Variants in PCDHGA2 observed in about 807,000 individuals in gnomAD.
PCDHGA2 encodes the protein protocadherin gamma-A2.
PCDHGA2 carries 40 observed loss-of-function variants against 59.2 expected under a neutral mutation model. The observed-to-expected ratio is 0.68, with a 90% CI of 0.52 to 0.88. The LOEUF is 0.88. Ranked by LOEUF, PCDHGA2 falls within the 40% of genes least tolerant of loss-of-function variation. The pLI is 0.00. For missense variants in PCDHGA2, 1,226 were observed against 1,204.0 expected (o/e 1.02, Z -0.27); for synonymous variants, 560 against 526.0 (o/e 1.06, Z -0.89).
intron 2 of PCDHGA2, among the ~76,000 whole-genome samples, chr5:141,503,010 A>T (rs1595838084): frequency 6.8e-6 from 1 of 146,772 alleles, no homozygotes; most frequent in East Asian, 2.0e-4. Context: ...TGCCCGGTTA[A>T]TTTTTTTTTT....
intron 1 of PCDHGA2, 193 bp downstream of exon 1, chr5:141,341,588 C>G (rs1190198765): frequency 2.6e-6 from 3 of 1,142,230 alleles, no homozygotes; most frequent in Admixed American, 5.7e-5. Flanking sequence ...ACGTGAGAAT[C>G]TTTGTGCAAT....
intron 1 of PCDHGA2, chr5:141,411,661 C>T (rs2095505180): frequency 6.6e-6 from 1 of 150,762 alleles, no homozygotes; most frequent in African/African-American, 2.4e-5. Context: ...GGTGGAGAAT[C>T]TCTTGAGCGC....
intron 1 of PCDHGA2, among the ~76,000 whole-genome samples, chr5:141,484,627 A>G (rs866882607): frequency 5.3e-5 from 8 of 152,162 alleles, no homozygotes; most frequent in Middle Eastern, 3.4e-3. Flanking sequence ...TGGCTTGAAC[A>G]AAGTGACCAC....
In PCDHGA2 at chr5:141,345,728, C is replaced by T. The variant is rs755670314; in HGVS notation, c.2424+4333C>T. 146 of 1,614,098 alleles carry T rather than the reference C, an allele frequency of 9.0e-5. 1 individual carries two copies. In the South Asian group the frequency reaches 1.1e-3, roughly 12 times the overall value. ...ACAACGCGCCCGAGATCCTGTACCCCGCCCTCCCCACAGACGGTTCCACTG... is the reference window on the plus strand; with the variant it reads ...ACAACGCGCCCGAGATCCTGTACCCTGCCCTCCCCACAGACGGTTCCACTG... On this transcript the variant is annotated intron_variant, in intron 1 of 3. Coordinates refer to ENST00000394576, the MANE Select transcript of PCDHGA2 (RefSeq NM_018915.4).
intron 1 of PCDHGA2, among the ~76,000 whole-genome samples, chr5:141,348,444 A>G (rs1758120382): frequency 6.6e-6 from 1 of 152,166 alleles, no homozygotes; most frequent in Admixed American, 6.5e-5. Context: ...CATTTTTAGA[A>G]AAAAAAATGT....
At chr5:141,405,334 T>C in intron 1 of PCDHGA2, 1 of 1,614,196 alleles carries the variant, frequency 6.2e-7, no homozygotes. Flanking sequence ...TGTGCGTCTC[T>C]GTTGATTCCA....
rs146748846 is a variant in PCDHGA2 at position 141,452,937 on chromosome 5, G to C, written c.2425-41870G>C. 4.0e-4 allele frequency among the ~76,000 whole-genome samples: 61 copies of C among 152,254 alleles called. No individual in the cohort carries two copies. The East Asian group carries it at 0.01, about 26-fold the overall frequency. On this transcript the variant is annotated intron_variant, in intron 1 of 3. Coordinates refer to ENST00000394576, the MANE Select transcript of PCDHGA2 (RefSeq NM_018915.4). The stretch of plus-strand genomic sequence containing the variant: ...AGTAAGAAAGAGCTGCTGAAGATTT[G>C]CTTGCAATTGGTTGTCTTTAAACTG...
At position 141,362,424 on chromosome 5, in the gene PCDHGA2, AG is replaced by A. The variant is rs764699522; in HGVS notation, c.2424+21030del. On this transcript the variant is annotated intron_variant, in intron 1 of 3. Coordinates refer to ENST00000394576, the MANE Select transcript of PCDHGA2 (RefSeq NM_018915.4). ...GTGTTGCCTCACAATCAGCCAAGAC[AG>A]AGTTCAATTTTCTGAACATAACCCC... 14 of 1,613,916 alleles carry A rather than the reference AG, an allele frequency of 8.7e-6. No homozygotes were observed. The African/African-American group carries it at 1.7e-4, about 20-fold the overall frequency.
At chr5:141,510,450 T>G (rs1273211856) in intron 3 of PCDHGA2, among the ~76,000 whole-genome samples, 1 of 151,946 alleles carries the variant, frequency 6.6e-6, no homozygotes, top group Non-Finnish European at 1.5e-5. Flanking sequence ...CAGGAGCCCA[T>G]GGTCTAGTGT....
At chr5:141,344,327 G>C (rs1342358137) in intron 1 of PCDHGA2, 4 of 1,613,924 alleles carry the variant, frequency 2.5e-6, no homozygotes, top group Non-Finnish European at 3.4e-6. Context: ...TCTGCGCTCA[G>C]ATCCCGCTGT....
chr5:141,478,520 G>A, intron 1 of PCDHGA2: 1 of 1,610,510 alleles, frequency 6.2e-7, no homozygotes, highest in Non-Finnish European at 8.5e-7. Context: ...GCAGGTGTTG[G>A]GTGCAGAGAG....
intron 1 of PCDHGA2, among the ~76,000 whole-genome samples, chr5:141,397,601 T>C (rs1225684125): frequency 5.3e-5 from 8 of 152,198 alleles, no homozygotes; most frequent in Admixed American, 3.3e-4. Flanking sequence ...ATATTGCCAG[T>C]GACAAGGGCA....
chr5:141,358,709 G>A (rs970952613), intron 1 of PCDHGA2, among the ~76,000 whole-genome samples: 1 of 152,222 alleles, frequency 6.6e-6, no homozygotes, highest in African/African-American at 2.4e-5. Context: ...AGACTTTCTT[G>A]ATTTCCAAGG....
intron 1 of PCDHGA2, among the ~76,000 whole-genome samples, chr5:141,425,819 A>C (rs1183860957): frequency 6.6e-6 from 1 of 152,246 alleles, no homozygotes; most frequent in Non-Finnish European, 1.5e-5. Flanking sequence ...TTAGAAAAAA[A>C]CAAACTTTTA....
intron 1 of PCDHGA2, chr5:141,352,714 G>T (rs776520585): frequency 6.5e-7 from 1 of 1,540,668 alleles, no homozygotes; most frequent in Admixed American, 2.0e-5. Flanking sequence ...TGGCGGCCGG[G>T]CGCGGTGGCT....
chr5:141,413,134 G>A, intron 1 of PCDHGA2: 1 of 1,543,438 alleles, frequency 6.5e-7, no homozygotes, highest in South Asian at 1.3e-5. Flanking sequence ...AACACACAAC[G>A]TGTCCAGTGA....
intron 1 of PCDHGA2, chr5:141,399,316 T>C (rs1281033457): frequency 6.2e-7 from 1 of 1,613,772 alleles, no homozygotes; most frequent in Non-Finnish European, 8.5e-7. Flanking sequence ...ATCCAAAAAT[T>C]CGTATAAGTT....
At chr5:141,356,117 G>T (rs1012623543) in intron 1 of PCDHGA2, 4 of 1,613,752 alleles carry the variant, frequency 2.5e-6, no homozygotes, top group Non-Finnish European at 3.4e-6. Context: ...ATATTGGGGG[G>T]TCTAGATTAT....
At chr5:141,403,949 G>C (rs1167033357) in intron 1 of PCDHGA2, 2 of 1,613,886 alleles carry the variant, frequency 1.2e-6, no homozygotes, top group Non-Finnish European at 1.7e-6. Flanking sequence ...GTGGACAAAA[G>C]TGCTCATTTC....
Sources: gnomAD v4.1 joint callset for allele counts (sites outside exome capture counted in the v4.1 genomes callset) on GRCh38, gnomAD v4.1.1 for gene constraint, MANE v1.5 for transcripts, NCBI Gene and HGNC (gene_info 2026-07-23, HGNC 2026-07-21) for gene names.